Variants in FLVCR1 observed in about 807,000 individuals in gnomAD.
The protein encoded by FLVCR1 is choline/ethanolamine transporter FLVCR1.
In FLVCR1, 34 loss-of-function variants were observed where a neutral mutation model predicts 53.6. That is an observed-to-expected ratio of 0.63 (90% CI 0.48 to 0.84). FLVCR1 has a LOEUF of 0.84. Ranked by LOEUF, FLVCR1 falls within the 40% of genes least tolerant of loss-of-function variation. FLVCR1 has a pLI of 0.00. For missense variants in FLVCR1, 677 were observed against 696.7 expected (o/e 0.97, Z 0.32); for synonymous variants, 300 against 286.3 (o/e 1.05, Z -0.48).
intron 2 of FLVCR1, among the ~76,000 whole-genome samples, chr1:212,871,035 G>T (rs1328690526): frequency 6.6e-6 from 1 of 152,150 alleles, no homozygotes; most frequent in Non-Finnish European, 1.5e-5. Context: ...CTCCCAAAGT[G>T]CTGGGATTAC....
Position 212,867,117 on chromosome 1 carries a change from G to A in FLVCR1, c.883+3248G>A, listed in dbSNP as rs369148780. On this transcript the variant is annotated intron_variant, in intron 2 of 9. Coordinates refer to ENST00000366971, the MANE Select transcript of FLVCR1 (RefSeq NM_014053.4). ...AATTTAATTTTGTTGAGATTTTTCC[G>A]CAACGTGACATGTACTAAATTGATA... Among the ~76,000 whole-genome samples the A allele has an allele frequency of 2.2e-4, 33 of 152,226 alleles. No individual in the cohort carries two copies. The South Asian group carries it at 5.6e-3, about 26-fold the overall frequency.
At chr1:212,884,404 C>A (rs562317839) in intron 4 of FLVCR1, among the ~76,000 whole-genome samples, 4 of 151,926 alleles carry the variant, frequency 2.6e-5, no homozygotes, top group Non-Finnish European at 5.9e-5. Flanking sequence ...CTCAAAAAAA[C>A]GAAACAAAAC....
chr1:212,859,066 T>C lies in FLVCR1; in HGVS notation c.614T>C (p.Leu205Ser), dbSNP rs2102527592. 7 of 1,613,292 alleles carry C rather than the reference T, an allele frequency of 4.3e-6. No individual in the cohort carries two copies. Among genetic ancestry groups the C allele is most frequent in the Middle Eastern group, 1.7e-4 (1 of 5,960 alleles). Residue 205 changes from leucine to serine, a missense_variant, in exon 1 of 10, where the codon TTG becomes TCG. By Grantham distance (145) the Leu-to-Ser change is moderately radical. Coordinates refer to ENST00000366971, the MANE Select transcript of FLVCR1 (RefSeq NM_014053.4). ...VQQHLFWVTMLGQCLCSVAQV... is the reference protein window; with the variant it reads ...VQQHLFWVTMSGQCLCSVAQV... ...CAGCATCTCTTCTGGGTCACCATGT[T>C]GGGCCAGTGCTTGTGCTCGGTGGCC...
chr1:212,875,982 G>A (rs528851976), intron 3 of FLVCR1, among the ~76,000 whole-genome samples: 2 of 151,722 alleles, frequency 1.3e-5, no homozygotes, highest in African/African-American at 2.4e-5. Context: ...CACCTCGCAG[G>A]TTCAAGCAAT....
rs1175804371 is a variant in FLVCR1, at chr1:212,889,203, A to C, written c.1471A>C (p.Lys491Gln). 6.2e-7 allele frequency: 1 copy of C among 1,613,912 alleles called. No homozygotes were observed. The highest frequency in any genetic ancestry group is 8.5e-7 in the Non-Finnish European group (1 of 1,179,850). Reference protein sequence around the residue: ...QGKLTSDYGPKAGNIFLCVWM... With the variant: ...QGKLTSDYGPQAGNIFLCVWM... ...AAAGCTCACATCAGACTATGGTCCT[A>C]AGGCAGGGAACATTTTTCTCTGTGT... Residue 491 changes from lysine (K) to glutamine (Q), a missense_variant, in exon 8 of 10, where the codon AAG becomes CAG. Physicochemically the swap from Lys to Gln is moderately conservative, Grantham distance 53. Coordinates refer to ENST00000366971, the MANE Select transcript of FLVCR1 (RefSeq NM_014053.4).
intron 3 of FLVCR1, among the ~76,000 whole-genome samples, chr1:212,878,533 CAAAAAAAA>C (rs58243050): frequency 1.8e-5 from 2 of 112,838 alleles, no homozygotes; most frequent in Non-Finnish European, 1.7e-5. Flanking sequence ...GTCTCCGTCT[CAAAAAAAA>C]AAAAAAAAAA....
At position 212,898,438 on chromosome 1, in the gene FLVCR1, A is replaced by C. The variant is rs1024961998; in HGVS notation, c.*3148A>C. ...CCCCAAATGTTTTTATTTTTAAACT[A>C]TCAATGTTGTTTAAAATAATCATGT... is the stretch of plus-strand genomic sequence containing the variant. On this transcript the variant is annotated 3_prime_UTR_variant, in exon 10 of 10. Coordinates refer to ENST00000366971, the MANE Select transcript of FLVCR1 (RefSeq NM_014053.4). 1 of 152,232 alleles carries C rather than the reference A, an allele frequency of 6.6e-6. No individual in the cohort carries two copies. Among genetic ancestry groups the C allele is most frequent in the Non-Finnish European group, 1.5e-5 (1 of 68,046 alleles). The allele number at this position is 152,232 out of a possible 1,614,324, so 9.4% of individuals were successfully genotyped here.
intron 2 of FLVCR1, among the ~76,000 whole-genome samples, chr1:212,871,990 G>A (rs1453756135): frequency 1.3e-5 from 2 of 152,214 alleles, no homozygotes; most frequent in Non-Finnish European, 2.9e-5. Flanking sequence ...CAATCCCAGA[G>A]GTGCAGTTGG....
At chr1:212,867,867 G>T (rs986137879) in intron 2 of FLVCR1, among the ~76,000 whole-genome samples, 5 of 147,522 alleles carry the variant, frequency 3.4e-5, no homozygotes, top group African/African-American at 1.3e-4. Context: ...ACAGTGGCGC[G>T]ATCTTGGCTC....
chr1:212,874,247 G>A (rs1199534820), intron 3 of FLVCR1, among the ~76,000 whole-genome samples: 1 of 152,058 alleles, frequency 6.6e-6, no homozygotes, highest in Non-Finnish European at 1.5e-5. Flanking sequence ...GACCACAGGT[G>A]ATCTGCCCGC....
At chr1:212,877,434 C>G (rs529480145) in intron 3 of FLVCR1, among the ~76,000 whole-genome samples, 1 of 151,976 alleles carries the variant, frequency 6.6e-6, no homozygotes, top group Non-Finnish European at 1.5e-5. Flanking sequence ...AGGATGGTCT[C>G]GATGTCCTGA....
chr1:212,878,759 T>A (rs1251519426), intron 3 of FLVCR1, among the ~76,000 whole-genome samples: 1 of 151,960 alleles, frequency 6.6e-6, no homozygotes, highest in Non-Finnish European at 1.5e-5. Flanking sequence ...TAGAGAAAAT[T>A]AGAAAACATT....
rs946643034 is a variant in FLVCR1 at position 212,896,759 on chromosome 1, T to G, written c.*1469T>G. ...TAGGCTGGGCGTGGTGGCTCACGCCTGTAATCCCAGCACTTTGGGAGGCTG... is the reference window on the plus strand; with the variant it reads ...TAGGCTGGGCGTGGTGGCTCACGCCGGTAATCCCAGCACTTTGGGAGGCTG... On this transcript the variant is annotated 3_prime_UTR_variant, in exon 10 of 10. Transcript: ENST00000366971. The G allele has an allele frequency of 1.4e-5, 2 of 147,826 alleles. No individual in the cohort carries two copies. The highest frequency in any genetic ancestry group is 5.0e-5 in the African/African-American group (2 of 39,960). The allele number at this position is 147,826 out of a possible 1,614,324, so 9.2% of individuals were successfully genotyped here.
At chr1:212,870,328 G>A (rs1664560833) in intron 2 of FLVCR1, among the ~76,000 whole-genome samples, 1 of 152,188 alleles carries the variant, frequency 6.6e-6, no homozygotes, top group Non-Finnish European at 1.5e-5. Flanking sequence ...ATTTTTAGCA[G>A]CAAACAGGAA....
At chr1:212,874,072 A>G (rs1664681019) in intron 3 of FLVCR1, among the ~76,000 whole-genome samples, 1 of 152,128 alleles carries the variant, frequency 6.6e-6, no homozygotes, top group Admixed American at 6.6e-5. Flanking sequence ...CAGTGGCACA[A>G]TCTCAGCTCA....
At chr1:212,875,680 AAAT>A (rs1026509885) in intron 3 of FLVCR1, among the ~76,000 whole-genome samples, 10 of 151,824 alleles carry the variant, frequency 6.6e-5, no homozygotes, top group African/African-American at 2.2e-4. Flanking sequence ...TGTTTACTAA[AAAT>A]ACAAAAATTA....
chr1:212,888,838 G>A (rs11120060), intron 7 of FLVCR1, among the ~76,000 whole-genome samples: 69,900 of 151,514 alleles, frequency 0.46, 17,344 homozygotes, highest in East Asian at 0.56. Context: ...GTGCACACCA[G>A]CATGCCCAGC....
intron 1 of FLVCR1, among the ~76,000 whole-genome samples, chr1:212,861,615 C>T (rs1664241881): frequency 6.6e-6 from 1 of 152,088 alleles, no homozygotes. Context: ...TTACCACCCT[C>T]TCTTGTAATT....
At position 212,872,850 on chromosome 1, in the gene FLVCR1, CTGTG is replaced by C. The variant is rs760120495; in HGVS notation, c.1024+35_1024+38del. ...GGTTTTCTTGTACTTTCTTTAATGTCTGTGTGAGCCTTTCAGCATTGTGGATTCT... is the reference window on the plus strand; with the variant it reads ...GGTTTTCTTGTACTTTCTTTAATGTCTGAGCCTTTCAGCATTGTGGATTCT... On this transcript the variant is annotated intron_variant, in intron 3 of 9. Coordinates refer to ENST00000366971, the MANE Select transcript of FLVCR1 (RefSeq NM_014053.4). The C allele has an allele frequency of 1.9e-6, 3 of 1,611,248 alleles. No individual in the cohort carries two copies. The African/African-American group carries it at 4.0e-5, about 22-fold the overall frequency.
Sources: gnomAD v4.1 joint callset for allele counts (sites outside exome capture counted in the v4.1 genomes callset) on GRCh38, gnomAD v4.1.1 for gene constraint, MANE v1.5 for transcripts, NCBI Gene and HGNC (gene_info 2026-07-23, HGNC 2026-07-21) for gene names.